DYNC2H1: variants seen among roughly 807,000 people sequenced by gnomAD.
DYNC2H1 encodes the protein cytoplasmic dynein 2 heavy chain 1.
In DYNC2H1, 410 loss-of-function variants were observed where a neutral mutation model predicts 570.0. The ratio of observed to expected loss-of-function variants is 0.72; its 90% CI spans 0.66 to 0.78. The LOEUF (loss-of-function observed/expected upper bound fraction) is 0.78. Ranked by LOEUF, DYNC2H1 falls within the 30% of genes least tolerant of loss-of-function variation. The probability of loss-of-function intolerance (pLI) is 0.00; values close to 1 mark genes in which losing one functional copy is unlikely to be tolerated. For synonymous variants in DYNC2H1, 1,688 were observed against 1,677.6 expected (o/e 1.01, Z -0.15); for missense variants, 4,865 against 5,046.4 (o/e 0.96, Z 1.09).
At chr11:103,306,840 C>A (rs988321143) in intron 77 of DYNC2H1, among the ~76,000 whole-genome samples, 7 of 151,968 alleles carry the variant, frequency 4.6e-5, no homozygotes, top group African/African-American at 1.7e-4. Flanking sequence ...AAGAAAAAGC[C>A]AGAAATTGTG....
chr11:103,244,260 A>C lies in DYNC2H1; in HGVS notation c.9918+469A>C, dbSNP rs1352708664. Among the ~76,000 whole-genome samples the C allele has an allele frequency of 1.3e-5, 2 of 152,058 alleles. No homozygotes were observed. The highest frequency in any genetic ancestry group is 2.4e-5 in the African/African-American group (1 of 41,432). On this transcript the variant is annotated intron_variant, in intron 64 of 88. Coordinates refer to ENST00000375735, the MANE Select transcript of DYNC2H1 (RefSeq NM_001377.3). This position sits in a 1 kb window ranked among gnomAD's most constrained non-coding sequence, Gnocchi z 4.3. ...TCTTTAATGTATCCCAAGATTTGATAATTGTTCAGTGAAATATAATCATAG... is the reference window on the plus strand; with the variant it reads ...TCTTTAATGTATCCCAAGATTTGATCATTGTTCAGTGAAATATAATCATAG...
At chr11:103,414,483 G>A (rs1406439707) in intron 84 of DYNC2H1, among the ~76,000 whole-genome samples, 3 of 152,084 alleles carry the variant, frequency 2.0e-5, no homozygotes, top group African/African-American at 7.2e-5. Context: ...GCTGGGCTTG[G>A]TGGCACGTGC....
At position 103,177,404 on chromosome 11, in the gene DYNC2H1, A is replaced by G. The variant is rs1861869662; in HGVS notation, c.5875-152A>G. 6.6e-6 allele frequency among the ~76,000 whole-genome samples: 1 copy of G among 152,190 alleles called. No homozygotes were observed. The highest frequency in any genetic ancestry group is 6.6e-5 in the Admixed American group (1 of 15,260). ...TTATATTGTAAATATGTTCAGATTTATTTAGGTAGTCTATTACATTTTAGG... is the reference window on the plus strand; with the variant it reads ...TTATATTGTAAATATGTTCAGATTTGTTTAGGTAGTCTATTACATTTTAGG... On this transcript the variant is annotated intron_variant, in intron 37 of 88. Transcript: ENST00000375735. This position sits in a 1 kb window ranked among gnomAD's most constrained non-coding sequence, Gnocchi z 4.4.
chr11:103,174,570 G>T (rs1244804826), intron 36 of DYNC2H1, among the ~76,000 whole-genome samples: 1 of 152,154 alleles, frequency 6.6e-6, no homozygotes, highest in Admixed American at 6.5e-5. Flanking sequence ...GATTCAGTAG[G>T]TGTAGAGTAG....
chr11:103,166,064 T>C lies in DYNC2H1; in HGVS notation c.4762+16T>C. ...GGGAATACTGGTATGGAAAAGACAT[T>C]CCCTTTTCTGCCTGGTTTTGGGTTA... On this transcript the variant is annotated intron_variant, in intron 31 of 88. Transcript: ENST00000375735. 1 of 1,480,340 alleles carries C rather than the reference T, an allele frequency of 6.8e-7. No individual in the cohort carries two copies. Among genetic ancestry groups the C allele is most frequent in the Non-Finnish European group, 9.0e-7 (1 of 1,112,984 alleles). 91.7% of individuals were successfully genotyped at this position (1,480,340 alleles called of 1,614,324 possible).
intron 45 of DYNC2H1, among the ~76,000 whole-genome samples, chr11:103,190,275 C>G (rs1862242999): frequency 6.6e-6 from 1 of 152,116 alleles, no homozygotes; most frequent in South Asian, 2.1e-4. Context: ...TGAGGATACA[C>G]AAAACATTTG....
At chr11:103,123,683 C>T (rs978555947) in intron 11 of DYNC2H1, among the ~76,000 whole-genome samples, 2 of 152,118 alleles carry the variant, frequency 1.3e-5, no homozygotes, top group African/African-American at 4.8e-5. Flanking sequence ...GGAAAATTTG[C>T]ATACTTTATC....
At chr11:103,116,741 A>C (rs754266224) in intron 5 of DYNC2H1, 27 bp downstream of exon 5, 2 of 1,555,134 alleles carry the variant, frequency 1.3e-6, no homozygotes, top group Non-Finnish European at 1.7e-6. Context: ...GAACTTTTGG[A>C]ATTTTGAAAA....
intron 84 of DYNC2H1, chr11:103,405,082 T>C (rs912895701): frequency 1.3e-5 from 2 of 151,658 alleles, no homozygotes; most frequent in African/African-American, 2.4e-5. Flanking sequence ...TATGTTGCGA[T>C]ATGGGAGATT....
Position 103,185,059 on chromosome 11 carries a change from A to G in DYNC2H1, c.6633+8A>G. 1 of 1,608,042 alleles carries G rather than the reference A, an allele frequency of 6.2e-7. No homozygotes were observed. On this transcript the variant is annotated splice_region_variant and intron_variant, in intron 41 of 88. Coordinates refer to ENST00000375735, the MANE Select transcript of DYNC2H1 (RefSeq NM_001377.3). The surrounding 1 kb of genome is among the most constrained non-coding windows in gnomAD (Gnocchi z 4.5). Reference sequence around the variant, plus strand: ...TTGGAATTTACCAAAGAGGTAATGCATATTTATAGCCTATATTTAGTCAAA... The same window carrying G: ...TTGGAATTTACCAAAGAGGTAATGCGTATTTATAGCCTATATTTAGTCAAA...
chr11:103,210,577 A>T (rs187266481), intron 53 of DYNC2H1, among the ~76,000 whole-genome samples: 22 of 152,164 alleles, frequency 1.4e-4, no homozygotes, highest in Non-Finnish European at 2.8e-4. Flanking sequence ...TATAAACATA[A>T]ATTTCTGATA....
Position 103,141,693 on chromosome 11 carries a change from G to A in DYNC2H1, c.2575-1575G>A, listed in dbSNP as rs565381042. ...ACCCACTTGAGGAGGCAGTCTGCCC[G>A]TTCTCAGATCTCCAGCTGCATGCTG... On this transcript the variant is annotated intron_variant, in intron 17 of 88. Coordinates refer to ENST00000375735, the MANE Select transcript of DYNC2H1 (RefSeq NM_001377.3). Among the ~76,000 whole-genome samples, 150 of 152,284 alleles carry A rather than the reference G, an allele frequency of 9.9e-4. 3 individuals are homozygous for A. The highest frequency in any genetic ancestry group is 4.4e-4 in the Non-Finnish European group (30 of 68,018).
At chr11:103,258,170 G>A (rs770015905) in intron 69 of DYNC2H1, among the ~76,000 whole-genome samples, 11 of 152,160 alleles carry the variant, frequency 7.2e-5, no homozygotes, top group Non-Finnish European at 1.2e-4. Context: ...GCCTTATCAA[G>A]CATGTATTCT....
intron 58 of DYNC2H1, among the ~76,000 whole-genome samples, chr11:103,222,587 T>A (rs1399880104): frequency 1.3e-5 from 2 of 152,196 alleles, no homozygotes; most frequent in Admixed American, 1.3e-4. Context: ...TAACACCAAC[T>A]ACAATAGTTT....
chr11:103,183,409 T>C (rs931847353), intron 40 of DYNC2H1, among the ~76,000 whole-genome samples: 1 of 151,900 alleles, frequency 6.6e-6, no homozygotes, highest in Non-Finnish European at 1.5e-5. Context: ...ATAAGATTGT[T>C]AAACAATAGA....
rs78507615 is a variant in DYNC2H1 at position 103,428,987 on chromosome 11, G to T, written c.12367-6956G>T. Among the ~76,000 whole-genome samples, 380 of 152,084 alleles carry T rather than the reference G, an allele frequency of 2.5e-3. 4 individuals carry two copies. The East Asian group carries it at 0.053, about 21-fold the overall frequency. On this transcript the variant is annotated intron_variant, in intron 84 of 88. Transcript: ENST00000375735. ...TTTAATTGAAAAAATCTGGCTGGGCGCAGTGGCTCACGCCTGTAATCCTAG... is the reference window on the plus strand; with the variant it reads ...TTTAATTGAAAAAATCTGGCTGGGCTCAGTGGCTCACGCCTGTAATCCTAG...
chr11:103,226,247 A>G (rs1000353183), intron 59 of DYNC2H1, among the ~76,000 whole-genome samples: 3 of 152,088 alleles, frequency 2.0e-5, no homozygotes, highest in Admixed American at 6.5e-5. Flanking sequence ...TTACAGTGCT[A>G]TGTTGAATAG....
intron 44 of DYNC2H1, 76 bp downstream of exon 44, chr11:103,188,724 T>C: frequency 8.8e-7 from 1 of 1,141,152 alleles, no homozygotes; most frequent in Non-Finnish European, 1.1e-6. Flanking sequence ...AAAGTATTTA[T>C]GATAATACTT....
Position 103,187,324 on chromosome 11 carries a change from C to A in DYNC2H1, c.6894-16C>A. On this transcript the variant is annotated splice_polypyrimidine_tract_variant and intron_variant, in intron 42 of 88. Transcript: ENST00000375735. ...TTGCATTTTTATCAAAGTCAGATGT[C>A]ATGCATTTTTCGTAGGATGCTGCTC... The A allele has an allele frequency of 6.2e-7, 1 of 1,612,140 alleles. No homozygotes were observed. Among genetic ancestry groups the A allele is most frequent in the South Asian group, 1.1e-5 (1 of 90,802 alleles).
Sources: gnomAD v4.1 joint callset for allele counts (sites outside exome capture counted in the v4.1 genomes callset) on GRCh38, gnomAD v4.1.1 for gene constraint, Gnocchi (gnomAD v3.1) non-coding constraint, MANE v1.5 for transcripts, NCBI Gene and HGNC (gene_info 2026-07-23, HGNC 2026-07-21) for gene names.